The following CRPPA variants were observed in gnomAD, a reference collection of about 807,000 sequenced individuals.
CRPPA encodes the protein CDP-L-ribitol pyrophosphorylase A.
A neutral mutation model predicts 52.0 loss-of-function variants in CRPPA; 43 were observed. The ratio of observed to expected loss-of-function variants is 0.83; its 90% CI spans 0.65 to 1.07. The LOEUF is 1.07. Among genes scored for constraint, CRPPA ranks in the 50% least tolerant of loss-of-function variants. CRPPA has a pLI of 0.00. For missense variants in CRPPA, 629 were observed against 551.7 expected, an observed-to-expected ratio of 1.14 and a Z score of -1.40; for synonymous variants, 250 against 203.5, an observed-to-expected ratio of 1.23 and a Z score of -1.94.
At chr7:16,166,479 C>T (rs1387284457) in intron 9 of CRPPA, among the ~76,000 whole-genome samples, 1 of 152,074 alleles carries the variant, frequency 6.6e-6, no homozygotes, top group Non-Finnish European at 1.5e-5. Context: ...AAGGTTTCAC[C>T]TTGTTGGCCA....
At chr7:16,188,339 G>C (rs1781545625) in intron 9 of CRPPA, among the ~76,000 whole-genome samples, 2 of 152,026 alleles carry the variant, frequency 1.3e-5, no homozygotes, top group African/African-American at 4.8e-5. Context: ...AAAGAGATGA[G>C]GTGAGGGAGT....
At chr7:16,240,849 T>A (rs986016481) in intron 8 of CRPPA, among the ~76,000 whole-genome samples, 1 of 152,196 alleles carries the variant, frequency 6.6e-6, no homozygotes. Context: ...CATCATCGAT[T>A]TTTATAACAA....
At chr7:16,374,461 C>A (rs1379250965) in intron 3 of CRPPA, among the ~76,000 whole-genome samples, 2 of 152,184 alleles carry the variant, frequency 1.3e-5, no homozygotes, top group Non-Finnish European at 2.9e-5. Context: ...ACTGTGTGAG[C>A]CAATTCTCCC....
chr7:16,405,014 G>C (rs1180904789), intron 2 of CRPPA, among the ~76,000 whole-genome samples: 4 of 151,930 alleles, frequency 2.6e-5, no homozygotes, highest in African/African-American at 9.7e-5. Context: ...AGAAGGAAGA[G>C]ATGAAGTTAG....
intron 3 of CRPPA, among the ~76,000 whole-genome samples, chr7:16,370,527 A>G (rs1178757429): frequency 1.3e-5 from 2 of 152,176 alleles, no homozygotes; most frequent in East Asian, 3.9e-4. Flanking sequence ...ATATCACTGC[A>G]GTCTAGCACT....
At chr7:16,157,426 T>C (rs1031019598) in intron 9 of CRPPA, among the ~76,000 whole-genome samples, 2 of 152,172 alleles carry the variant, frequency 1.3e-5, no homozygotes, top group African/African-American at 4.8e-5. Context: ...TAACGAAATA[T>C]TAAATTTCTA....
At chr7:16,161,120 C>T (rs1412604585) in intron 9 of CRPPA, among the ~76,000 whole-genome samples, 1 of 152,132 alleles carries the variant, frequency 6.6e-6, no homozygotes, top group Non-Finnish European at 1.5e-5. Context: ...ACAATCATGT[C>T]ATCTACAAAC....
At chr7:16,326,261 G>C (rs1785386450) in intron 3 of CRPPA, among the ~76,000 whole-genome samples, 1 of 152,098 alleles carries the variant, frequency 6.6e-6, no homozygotes, top group African/African-American at 2.4e-5. Flanking sequence ...ATATTAAACA[G>C]ACATCTAACA....
At chr7:16,332,822 T>C (rs1785585138) in intron 3 of CRPPA, among the ~76,000 whole-genome samples, 1 of 152,080 alleles carries the variant, frequency 6.6e-6, no homozygotes, top group South Asian at 2.1e-4. Flanking sequence ...ATTTCAATGA[T>C]CTAAATATAC....
intron 3 of CRPPA, among the ~76,000 whole-genome samples, chr7:16,359,279 C>G (rs1211650140): frequency 6.6e-6 from 1 of 152,128 alleles, no homozygotes; most frequent in Non-Finnish European, 1.5e-5. Flanking sequence ...CCACACCCAG[C>G]TAATGGAAGT....
chr7:16,104,903 G>GAA (rs541325740), intron 9 of CRPPA, among the ~76,000 whole-genome samples: 15 of 106,880 alleles, frequency 1.4e-4, no homozygotes, highest in East Asian at 5.3e-4. Flanking sequence ...CCATCTCAAA[G>GAA]AAAAAAAAAA....
At chr7:16,102,108 T>C (rs182267438) in intron 9 of CRPPA, among the ~76,000 whole-genome samples, 2 of 151,990 alleles carry the variant, frequency 1.3e-5, no homozygotes, top group Admixed American at 1.3e-4. Flanking sequence ...CCAAAACAGA[T>C]ATATAGACCA....
intron 9 of CRPPA, among the ~76,000 whole-genome samples, chr7:16,197,581 C>CCTGCCT (rs1010918001): frequency 2.7e-4 from 41 of 152,004 alleles, no homozygotes; most frequent in African/African-American, 8.7e-4. Flanking sequence ...CGCAATCCTT[C>CCTGCCT]CTGCCTCTGC....
At chr7:16,309,467 T>C (rs1409751798) in intron 3 of CRPPA, among the ~76,000 whole-genome samples, 2 of 152,198 alleles carry the variant, frequency 1.3e-5, no homozygotes, top group South Asian at 2.1e-4. Context: ...CTTAATTCTA[T>C]GTGACGGCAT....
chr7:16,273,109 TC>T (rs1237660673), intron 6 of CRPPA, among the ~76,000 whole-genome samples: 3 of 96,438 alleles, frequency 3.1e-5, no homozygotes, highest in Non-Finnish European at 6.1e-5. Flanking sequence ...ATGCTATCCC[TC>T]CCCCCTCCCC....
intron 9 of CRPPA, among the ~76,000 whole-genome samples, chr7:16,095,740 C>T (rs757298029): frequency 3.3e-5 from 5 of 152,102 alleles, no homozygotes; most frequent in Non-Finnish European, 7.4e-5. Flanking sequence ...GTAGAAAAGA[C>T]ATAGATTAAC....
chr7:16,167,501 G>A (rs1171779052), intron 9 of CRPPA, among the ~76,000 whole-genome samples: 1 of 152,146 alleles, frequency 6.6e-6, no homozygotes, highest in Non-Finnish European at 1.5e-5. Flanking sequence ...TATCCAGTCT[G>A]GAATAAAGGC....
chr7:16,274,506 C>T (rs999369751), intron 6 of CRPPA, among the ~76,000 whole-genome samples: 12 of 152,198 alleles, frequency 7.9e-5, no homozygotes, highest in Non-Finnish European at 1.6e-4. Flanking sequence ...AGTAAAATAA[C>T]AGGACACCCA....
chr7:16,295,639 G>A (rs1156270594), intron 5 of CRPPA, among the ~76,000 whole-genome samples: 2 of 152,072 alleles, frequency 1.3e-5, no homozygotes, highest in African/African-American at 4.8e-5. Flanking sequence ...GCTTTTCTTA[G>A]AAACTCTTAG....
Sources: allele counts gnomAD v4.1 joint callset (sites outside exome capture counted in the v4.1 genomes callset), GRCh38; gene constraint gnomAD v4.1.1; transcripts MANE v1.5; gene names NCBI Gene and HGNC (gene_info 2026-07-23, HGNC 2026-07-21).